The following RBMS3 variants were observed in gnomAD, a reference collection of about 807,000 sequenced individuals.
The protein encoded by RBMS3 is RNA-binding motif, single-stranded-interacting protein 3.
RBMS3 carries 27 observed loss-of-function variants against 66.8 expected under a neutral mutation model. The ratio of observed to expected loss-of-function variants is 0.40; its 90% CI spans 0.30 to 0.56. The LOEUF (loss-of-function observed/expected upper bound fraction) is 0.56, where lower values mean the gene tolerates loss of function less well. RBMS3 is among the 20% of genes least tolerant of loss of function. The pLI is 0.40. For synonymous variants in RBMS3, 188 were observed against 183.0 expected, an observed-to-expected ratio of 1.03 and a Z score of -0.22; for missense variants, 513 against 549.5, an observed-to-expected ratio of 0.93 and a Z score of 0.66.
intron 1 of RBMS3, among the ~76,000 whole-genome samples, chr3:29,295,380 C>CAT (rs749923593): frequency 3.4e-5 from 5 of 144,936 alleles, no homozygotes; most frequent in African/African-American, 5.0e-5. Flanking sequence ...TATATATACA[C>CAT]ATATATATAT....
chr3:29,910,951 G>A (rs2060499462), intron 10 of RBMS3, among the ~76,000 whole-genome samples: 1 of 151,886 alleles, frequency 6.6e-6, no homozygotes, highest in South Asian at 2.1e-4. Context: ...GGAATTAAAC[G>A]TACATTTTTC....
intron 4 of RBMS3, among the ~76,000 whole-genome samples, chr3:29,645,057 A>G (rs1013523171): frequency 6.6e-6 from 1 of 152,226 alleles, no homozygotes; most frequent in Non-Finnish European, 1.5e-5. Flanking sequence ...TGATTCCAGC[A>G]TCTATTAGGG....
intron 6 of RBMS3, among the ~76,000 whole-genome samples, chr3:29,800,324 G>A (rs1018236155): frequency 1.3e-5 from 2 of 152,060 alleles, no homozygotes; most frequent in African/African-American, 2.4e-5. Flanking sequence ...CAAAGGGAGG[G>A]ATGAGAGGAA....
chr3:29,365,595 C>T (rs962067522), intron 1 of RBMS3, among the ~76,000 whole-genome samples: 1 of 151,946 alleles, frequency 6.6e-6, no homozygotes, highest in African/African-American at 2.4e-5. Flanking sequence ...TCTTTGTATT[C>T]GTTCCCTCCG....
intron 1 of RBMS3, among the ~76,000 whole-genome samples, chr3:29,352,260 A>G (rs2036962136): frequency 6.6e-6 from 1 of 152,048 alleles, no homozygotes; most frequent in East Asian, 1.9e-4. Context: ...ATTTATGGAT[A>G]ATTCATTTGG....
chr3:29,380,790 T>C (rs1477566260), intron 1 of RBMS3, among the ~76,000 whole-genome samples: 1 of 152,168 alleles, frequency 6.6e-6, no homozygotes, highest in Non-Finnish European at 1.5e-5. Context: ...TGGAAGTAAA[T>C]GTGTGATGAT....
At chr3:29,729,226 G>A (rs1217031943) in intron 4 of RBMS3, among the ~76,000 whole-genome samples, 1 of 148,276 alleles carries the variant, frequency 6.7e-6, no homozygotes, top group Non-Finnish European at 1.5e-5. Context: ...CCACCTATGA[G>A]TGAGAACATG....
chr3:29,654,834 G>A (rs1034706145), intron 4 of RBMS3, among the ~76,000 whole-genome samples: 2 of 150,458 alleles, frequency 1.3e-5, no homozygotes, highest in Non-Finnish European at 3.0e-5. Context: ...CTGGGCTCAA[G>A]CAATCTGCTC....
At chr3:29,524,602 A>ATTTTTTT (rs1273815210) in intron 3 of RBMS3, among the ~76,000 whole-genome samples, 12 of 148,604 alleles carry the variant, frequency 8.1e-5, no homozygotes, top group Non-Finnish European at 1.0e-4. Flanking sequence ...CAACTTTTGC[A>ATTTTTTT]TTTTATTTAT....
At chr3:29,775,620 G>A (rs991716596) in intron 6 of RBMS3, among the ~76,000 whole-genome samples, 3 of 152,028 alleles carry the variant, frequency 2.0e-5, no homozygotes, top group African/African-American at 4.8e-5. Context: ...ATTCTGTGTT[G>A]CTTCTTTTAG....
chr3:29,859,304 G>A (rs556104207), intron 6 of RBMS3, among the ~76,000 whole-genome samples: 2 of 152,244 alleles, frequency 1.3e-5, no homozygotes, highest in Admixed American at 6.5e-5. Context: ...GAGAACCACT[G>A]TAATTATATT....
intron 1 of RBMS3, among the ~76,000 whole-genome samples, chr3:29,434,032 A>C (rs954829055): frequency 2.6e-5 from 4 of 152,182 alleles, no homozygotes; most frequent in African/African-American, 7.2e-5. Context: ...GACAGTGCCC[A>C]CAACAAATAA....
chr3:29,951,800 AG>A (rs1387103270), intron 12 of RBMS3, among the ~76,000 whole-genome samples: 1 of 151,650 alleles, frequency 6.6e-6, no homozygotes, highest in Non-Finnish European at 1.5e-5. Flanking sequence ...TGATATTACT[AG>A]GTGAATTAAT....
intron 2 of RBMS3, among the ~76,000 whole-genome samples, chr3:29,450,902 T>TACAC (rs140249632): frequency 1.2e-5 from 1 of 85,336 alleles, no homozygotes; most frequent in Non-Finnish European, 2.4e-5. Flanking sequence ...AACACACAGA[T>TACAC]ACACACACAC....
intron 2 of RBMS3, among the ~76,000 whole-genome samples, chr3:29,474,275 T>C (rs2042870274): frequency 6.6e-6 from 1 of 152,280 alleles, no homozygotes; most frequent in African/African-American, 2.4e-5. Flanking sequence ...GTTATTCTCA[T>C]AGTGGTATGG....
intron 10 of RBMS3, among the ~76,000 whole-genome samples, chr3:29,910,047 G>A (rs910586994): frequency 2.1e-4 from 32 of 152,108 alleles, no homozygotes; most frequent in African/African-American, 7.2e-4. Flanking sequence ...AGCTTTGCCA[G>A]TTCCTTCATA....
intron 3 of RBMS3, among the ~76,000 whole-genome samples, chr3:29,541,812 C>G (rs1305797344): frequency 6.6e-6 from 1 of 152,134 alleles, no homozygotes; most frequent in Non-Finnish European, 1.5e-5. Flanking sequence ...TTGCCCCCAC[C>G]TCACCTGCTC....
At chr3:29,611,771 T>C (rs1559508230) in intron 4 of RBMS3, among the ~76,000 whole-genome samples, 2 of 151,210 alleles carry the variant, frequency 1.3e-5, no homozygotes. Flanking sequence ...TTTCCAATGT[T>C]AAAAAAAAAC....
At chr3:29,514,005 G>C (rs143379914) in intron 3 of RBMS3, among the ~76,000 whole-genome samples, 1 of 152,194 alleles carries the variant, frequency 6.6e-6, no homozygotes, top group Non-Finnish European at 1.5e-5. Context: ...CTCTACCCAG[G>C]CTGGAGAATC....
Sources: gnomAD v4.1 joint callset for allele counts (sites outside exome capture counted in the v4.1 genomes callset) on GRCh38, gnomAD v4.1.1 for gene constraint, MANE v1.5 for transcripts, NCBI Gene and HGNC (gene_info 2026-07-23, HGNC 2026-07-21) for gene names.